The following AMPH variants were observed in gnomAD, a reference collection of about 807,000 sequenced individuals.
The protein encoded by AMPH is amphiphysin (Stiff-Mann syndrome with breast cancer 128kD autoantigen).
AMPH carries 49 observed loss-of-function variants against 99.1 expected under a neutral mutation model. That is an observed-to-expected ratio of 0.49 (90% CI 0.39 to 0.63). The LOEUF is 0.63. AMPH is among the 20% of genes least tolerant of loss of function. AMPH has a pLI of 0.00. For missense variants in AMPH, 759 were observed against 863.4 expected (o/e 0.88, Z 1.52); for synonymous variants, 314 against 317.3 (o/e 0.99, Z 0.11).
chr7:38,502,631 G>A (rs955006987), intron 3 of AMPH, among the ~76,000 whole-genome samples: 1 of 152,158 alleles, frequency 6.6e-6, no homozygotes, highest in East Asian at 1.9e-4. Flanking sequence ...GCAAACGGAT[G>A]TAGTTCTCCT....
chr7:38,533,352 C>T (rs1790483760), intron 2 of AMPH, among the ~76,000 whole-genome samples: 1 of 152,144 alleles, frequency 6.6e-6, no homozygotes. Context: ...TCTCTAGCTC[C>T]CCTCTCCCTT....
intron 3 of AMPH, among the ~76,000 whole-genome samples, chr7:38,495,209 A>G (rs183291436): frequency 1.1e-3 from 162 of 152,330 alleles, no homozygotes; most frequent in Non-Finnish European, 1.6e-3. Flanking sequence ...ATTCATATAA[A>G]TAAGAGTTAA....
chr7:38,543,217 G>A (rs772616507), intron 1 of AMPH, among the ~76,000 whole-genome samples: 5 of 152,068 alleles, frequency 3.3e-5, no homozygotes, highest in Non-Finnish European at 7.4e-5. Flanking sequence ...TGATTGCATC[G>A]CTGCACTTCA....
rs763670923 is a variant in AMPH, at chr7:38,610,244, A to G, written c.69+21039T>C. Among the ~76,000 whole-genome samples the G allele has an allele frequency of 4.9e-3, 79 of 16,234 alleles. 6 individuals carry two copies. Among genetic ancestry groups the G allele is most frequent in the Non-Finnish European group, 8.2e-3 (62 of 7,532 alleles). 10.7% of individuals were successfully genotyped at this position (16,234 alleles called of 152,430 possible). ...AAAGCTAAGCTCTCTCAAAAAAAAA[A>G]AAAAAAAAAAAAAAAAAAAGAAAGA... On this transcript the variant is annotated intron_variant, in intron 1 of 20. Transcript: ENST00000356264.
At chr7:38,475,520 T>C in intron 6 of AMPH, 104 bp from the exon 7 acceptor site, 2 of 730,610 alleles carry the variant, frequency 2.7e-6, no homozygotes, top group Non-Finnish European at 4.4e-6. Context: ...ATCTTGGAAA[T>C]ATTTTGAGAA....
chr7:38,386,355 A>T (rs953434990), intron 20 of AMPH, among the ~76,000 whole-genome samples: 1 of 152,300 alleles, frequency 6.6e-6, no homozygotes, highest in African/African-American at 2.4e-5. Flanking sequence ...TAGGTGAAAA[A>T]TCTAATGGAG....
At chr7:38,571,476 T>G (rs1235942162) in intron 1 of AMPH, among the ~76,000 whole-genome samples, 2 of 132,876 alleles carry the variant, frequency 1.5e-5, no homozygotes, top group Non-Finnish European at 1.6e-5. Flanking sequence ...ATATATTCTA[T>G]AAAATATATA....
chr7:38,429,350 C>G, intron 14 of AMPH: 1 of 1,289,484 alleles, frequency 7.8e-7, no homozygotes, highest in African/African-American at 1.5e-5. Flanking sequence ...CAGACGAAAG[C>G]AGGCTGGTGG....
chr7:38,619,382 G>A (rs1793978696), intron 1 of AMPH, among the ~76,000 whole-genome samples: 1 of 152,050 alleles, frequency 6.6e-6, no homozygotes. Flanking sequence ...CCTAATAAAA[G>A]AGCACTAAAA....
chr7:38,542,385 T>C (rs560193524), intron 1 of AMPH, among the ~76,000 whole-genome samples: 2 of 152,306 alleles, frequency 1.3e-5, no homozygotes, highest in Admixed American at 6.5e-5. Flanking sequence ...AATAATGCAA[T>C]GAATCTCCAA....
intron 1 of AMPH, among the ~76,000 whole-genome samples, 190 bp downstream of exon 1, chr7:38,631,093 C>T (rs1024933490): frequency 1.3e-5 from 2 of 151,922 alleles, no homozygotes; most frequent in Non-Finnish European, 2.9e-5. Context: ...ACCCGCTCCC[C>T]GCGGCGCCCG....
At position 38,543,281 on chromosome 7, in the gene AMPH, C is replaced by T. The variant is rs80194825; in HGVS notation, c.70-8270G>A. Reference sequence around the variant, plus strand: ...CAAAAAAATAAAAAATAAAAAAACGCTGACCTGCTGTACAAATATTAAAGA... The same window carrying T: ...CAAAAAAATAAAAAATAAAAAAACGTTGACCTGCTGTACAAATATTAAAGA... On this transcript the variant is annotated intron_variant, in intron 1 of 20. Transcript: ENST00000356264. 8.6e-3 allele frequency among the ~76,000 whole-genome samples: 1,314 copies of T among 152,078 alleles called. 26 individuals are homozygous for T. The highest frequency in any genetic ancestry group is 0.066 in the South Asian group (316 of 4,806).
At chr7:38,444,702 A>AT (rs1205884868) in intron 11 of AMPH, among the ~76,000 whole-genome samples, 1 of 151,982 alleles carries the variant, frequency 6.6e-6, no homozygotes, top group Non-Finnish European at 1.5e-5. Context: ...CTGTTAGAGA[A>AT]TTTTTTTGTG....
Position 38,631,346 on chromosome 7 carries a change from G to C in AMPH, c.6C>G (p.Ala2=). 1 of 1,553,048 alleles carries C rather than the reference G, an allele frequency of 6.4e-7. No individual in the cohort carries two copies. The highest frequency in any genetic ancestry group is 8.7e-7 in the Non-Finnish European group (1 of 1,150,736). ...TGGCGAAGATGCCCGTCTTGATGTCGGCCATGGCTGCGGGTCCGGGGAGCT... is the reference window on the plus strand; with the variant it reads ...TGGCGAAGATGCCCGTCTTGATGTCCGCCATGGCTGCGGGTCCGGGGAGCT... M[A]DIKTGIFAKN... is the part of the protein sequence containing the mutation. Residue 2 remains alanine, a synonymous_variant, in exon 1 of 21, where the codon GCC becomes GCG. Coordinates refer to ENST00000356264, the MANE Select transcript of AMPH (RefSeq NM_001635.4).
chr7:38,446,693 ATCT>A (rs1301611414), intron 11 of AMPH, among the ~76,000 whole-genome samples: 1 of 152,232 alleles, frequency 6.6e-6, no homozygotes, highest in Non-Finnish European at 1.5e-5. Context: ...TATATTCATT[ATCT>A]TGATTCTGGT....
intron 16 of AMPH, among the ~76,000 whole-genome samples, chr7:38,420,704 G>A (rs1196919366): frequency 6.6e-6 from 1 of 152,172 alleles, no homozygotes; most frequent in Non-Finnish European, 1.5e-5. Context: ...CAGAAGTCTA[G>A]TCACATCCAA....
At chr7:38,391,149 T>G (rs1784481979) in intron 19 of AMPH, among the ~76,000 whole-genome samples, 1 of 152,172 alleles carries the variant, frequency 6.6e-6, no homozygotes. Context: ...GTTAAGCCAG[T>G]GTTTTTAGGT....
At chr7:38,475,845 G>A (rs891577632) in intron 6 of AMPH, among the ~76,000 whole-genome samples, 2 of 152,108 alleles carry the variant, frequency 1.3e-5, no homozygotes, top group African/African-American at 4.8e-5. Flanking sequence ...GAAGAGAGAA[G>A]GTAATTTTTT....
At chr7:38,589,782 A>G (rs1470509124) in intron 1 of AMPH, among the ~76,000 whole-genome samples, 1 of 152,214 alleles carries the variant, frequency 6.6e-6, no homozygotes, top group Non-Finnish European at 1.5e-5. Context: ...AACCTGATAC[A>G]TCCTTAATCA....
Sources: allele counts gnomAD v4.1 joint callset (sites outside exome capture counted in the v4.1 genomes callset), GRCh38; gene constraint gnomAD v4.1.1; transcripts MANE v1.5; gene names NCBI Gene and HGNC (gene_info 2026-07-23, HGNC 2026-07-21).